Variants in NUP210 observed in about 807,000 individuals in gnomAD.
NUP210 encodes the protein nuclear pore membrane glycoprotein 210.
NUP210 carries 151 observed loss-of-function variants against 196.0 expected under a neutral mutation model. That is an observed-to-expected ratio of 0.77 (90% CI 0.67 to 0.88). The LOEUF is 0.88. NUP210 is among the 40% of genes least tolerant of loss of function. NUP210 has a pLI of 0.00. For synonymous variants in NUP210, 1,070 were observed against 1,052.7 expected (o/e 1.02, Z -0.32); for missense variants, 2,314 against 2,493.7 (o/e 0.93, Z 1.53).
chr3:13,396,816 AGAGTTCCAGCCT>A (rs1699672334), intron 3 of NUP210, among the ~76,000 whole-genome samples: 1 of 151,676 alleles, frequency 6.6e-6, no homozygotes, highest in African/African-American at 2.4e-5. Context: ...ATCACCTAGA[AGAGTTCCAGCCT>A]GGAAACAAGC....
In NUP210 at chr3:13,420,126, A is replaced by G; in HGVS notation, c.101T>C (p.Leu34Pro). ...GCGCGTGGCCCGCGTGAAGGGCAGC[A>G]GCACTTTGGGGATGTTGAGCTTGGC... ...AAAKLNIPKV[L>P]LPFTRATRVN... The change falls in exon 1 of 40, where the codon CTG (leucine) becomes CCG (proline). Residue 34 changes from leucine to proline, a missense_variant. Coordinates refer to ENST00000254508, the MANE Select transcript of NUP210 (RefSeq NM_024923.4). The surrounding 1 kb of genome is among the most constrained non-coding windows in gnomAD (Gnocchi z 4.8). 3 of 1,369,624 alleles carry G rather than the reference A, an allele frequency of 2.2e-6. No homozygotes were observed. Among genetic ancestry groups the G allele is most frequent in the South Asian group, 1.5e-5 (1 of 66,202 alleles). 84.8% of individuals were successfully genotyped at this position (1,369,624 alleles called of 1,614,324 possible).
At position 13,354,096 on chromosome 3, in the gene NUP210, G is replaced by C; in HGVS notation, c.2340C>G (p.Ser780=). ...LQQNKQVVPV[S]SHRNPRLDLA... ...GGTCCAGCCGGGGGTTGCGGTGGCT[G>C]GACACTGGGACCTGCAGGGAACACA... Residue 780 remains serine, a synonymous_variant, in exon 17 of 40, where the codon TCC becomes TCG. Coordinates refer to ENST00000254508, the MANE Select transcript of NUP210 (RefSeq NM_024923.4). 6.3e-7 allele frequency: 1 copy of C among 1,590,930 alleles called. No homozygotes were observed. Among genetic ancestry groups the C allele is most frequent in the Non-Finnish European group, 8.6e-7 (1 of 1,168,936 alleles).
rs886158898 is a variant in NUP210 at position 13,371,743 on chromosome 3, T to G, written c.1786+91A>C. 1.4e-5 allele frequency: 17 copies of G among 1,215,608 alleles called. No homozygotes were observed. In the Admixed American group the frequency reaches 1.7e-4, roughly 12 times the overall value. 75.3% of individuals were successfully genotyped at this position (1,215,608 alleles called of 1,614,324 possible). A position where few individuals can be genotyped will look rare whatever the true frequency, so the allele number is the denominator to read the frequency against. ...GCAGCCCCTCTGCTGCCTCAAGCCC[T>G]CTCTTTGGGAATCTGGCGGTCCATG... is the stretch of plus-strand genomic sequence containing the variant. On this transcript the variant is annotated intron_variant, in intron 13 of 39. Coordinates refer to ENST00000254508, the MANE Select transcript of NUP210 (RefSeq NM_024923.4).
At chr3:13,368,050 A>C (rs1190995581) in intron 13 of NUP210, among the ~76,000 whole-genome samples, 1 of 151,622 alleles carries the variant, frequency 6.6e-6, no homozygotes, top group African/African-American at 2.4e-5. Flanking sequence ...CGGCTGCCCT[A>C]CATCCCTGCC....
At chr3:13,390,095 A>C (rs1393955596) in intron 4 of NUP210, among the ~76,000 whole-genome samples, 1 of 152,084 alleles carries the variant, frequency 6.6e-6, no homozygotes, top group African/African-American at 2.4e-5. Context: ...GGGACAAATG[A>C]CCAAACTCGA....
At chr3:13,322,808 C>G (rs1040542608) in intron 34 of NUP210, among the ~76,000 whole-genome samples, 1 of 152,212 alleles carries the variant, frequency 6.6e-6, no homozygotes, top group African/African-American at 2.4e-5. Context: ...TTAATCAGGA[C>G]GAGAAGGGCG....
At chr3:13,337,166 G>A (rs1206347869) in intron 26 of NUP210, 8 of 401,572 alleles carry the variant, frequency 2.0e-5, no homozygotes, top group Admixed American at 7.2e-5. Context: ...ACTCATTTCC[G>A]GAAGGAGTCC....
intron 15 of NUP210, among the ~76,000 whole-genome samples, chr3:13,359,796 C>A (rs1443555664): frequency 1.3e-5 from 2 of 152,222 alleles, no homozygotes; most frequent in Non-Finnish European, 2.9e-5. Context: ...CTGGTCCCCT[C>A]AGCCTCCTCA....
At position 13,323,974 on chromosome 3, in the gene NUP210, C is replaced by T. The variant is rs532631032; in HGVS notation, c.4645-542G>A. Among the ~76,000 whole-genome samples the T allele has an allele frequency of 2.0e-5, 3 of 152,332 alleles. No individual in the cohort carries two copies. The South Asian group carries it at 6.2e-4, about 32-fold the overall frequency. On this transcript the variant is annotated intron_variant, in intron 33 of 39. Coordinates refer to ENST00000254508, the MANE Select transcript of NUP210 (RefSeq NM_024923.4). This position sits in a 1 kb window ranked among gnomAD's most constrained non-coding sequence, Gnocchi z 4.3. Reference sequence around the variant, plus strand: ...GCCACTTCCTGCAGCTGAAGGCCCCCCTCCCTCTCTCAGCAGGCACCAGCG... The same window carrying T: ...GCCACTTCCTGCAGCTGAAGGCCCCTCTCCCTCTCTCAGCAGGCACCAGCG...
chr3:13,401,259 C>CAAAAAAAATAAAAAA (rs1699828731), intron 1 of NUP210, among the ~76,000 whole-genome samples: 1 of 43,846 alleles, frequency 2.3e-5, no homozygotes, highest in Non-Finnish European at 4.0e-5. Flanking sequence ...GACTCTGGCT[C>CAAAAAAAATAAAAAA]AAAAAAAAAA....
At chr3:13,394,014 C>T (rs980030529) in intron 3 of NUP210, among the ~76,000 whole-genome samples, 2 of 152,222 alleles carry the variant, frequency 1.3e-5, no homozygotes, top group African/African-American at 4.8e-5. Context: ...GTTATGTCTT[C>T]CTAGTGCTGA....
chr3:13,348,651 G>A lies in NUP210; in HGVS notation c.2835+3228C>T, dbSNP rs1393273780. 7 of 985,234 alleles carry A rather than the reference G, an allele frequency of 7.1e-6. No homozygotes were observed. The highest frequency in any genetic ancestry group is 1.7e-5 in the African/African-American group (1 of 57,218). The allele number at this position is 985,234 out of a possible 1,614,324, so 61.0% of individuals were successfully genotyped here. ...GAGGGGATAAGAATGCTTAGGAGAC[G>A]CTGCTTGTGGTCTCAGGCTCCTCGC... On this transcript the variant is annotated intron_variant, in intron 20 of 39. Transcript: ENST00000254508. The surrounding 1 kb of genome is among the most constrained non-coding windows in gnomAD (Gnocchi z 4.0).
intron 3 of NUP210, among the ~76,000 whole-genome samples, chr3:13,391,510 G>C (rs1391889149): frequency 6.6e-6 from 1 of 151,544 alleles, no homozygotes; most frequent in African/African-American, 2.4e-5. Context: ...GACCACCAGG[G>C]GGCGAGGCCA....
intron 6 of NUP210, among the ~76,000 whole-genome samples, chr3:13,383,516 CT>C (rs3032854): frequency 3.6e-3 from 253 of 70,932 alleles, no homozygotes; most frequent in South Asian, 9.8e-3. Context: ...AGAGTGAGCT[CT>C]TTTTTTTTTT....
intron 18 of NUP210, 70 bp downstream of exon 18, chr3:13,353,484 G>T: frequency 7.9e-7 from 1 of 1,261,800 alleles, no homozygotes; most frequent in East Asian, 2.3e-5. Context: ...ATACCCGGTG[G>T]AATTTAAGCA....
intron 1 of NUP210, among the ~76,000 whole-genome samples, chr3:13,419,809 C>T (rs1440718902): frequency 6.6e-6 from 1 of 152,090 alleles, no homozygotes; most frequent in African/African-American, 2.4e-5. Flanking sequence ...ACCCAGAACA[C>T]GCGGGTCACG....
intron 1 of NUP210, among the ~76,000 whole-genome samples, chr3:13,416,420 T>C (rs1700351081): frequency 6.6e-6 from 1 of 152,098 alleles, no homozygotes; most frequent in African/African-American, 2.4e-5. Flanking sequence ...AACATCCCCT[T>C]CCCCAGGGGA....
At chr3:13,414,305 T>A (rs1700273509) in intron 1 of NUP210, among the ~76,000 whole-genome samples, 1 of 151,852 alleles carries the variant, frequency 6.6e-6, no homozygotes, top group South Asian at 2.1e-4. Context: ...TCAGGCAGAG[T>A]GGGGGACCCA....
In NUP210 at chr3:13,403,015, C is replaced by A. The variant is rs531974212; in HGVS notation, c.168-3154G>T. Reference sequence around the variant, plus strand: ...CCTGCCATGGCAGTATCCTTCGGAACAGCACCACTGCCCTAAAAGTCCCCT... The same window carrying A: ...CCTGCCATGGCAGTATCCTTCGGAAAAGCACCACTGCCCTAAAAGTCCCCT... On this transcript the variant is annotated intron_variant, in intron 1 of 39. Transcript: ENST00000254508. Among the ~76,000 whole-genome samples, 12 of 152,342 alleles carry A rather than the reference C, an allele frequency of 7.9e-5. 1 individual carries two copies. In the East Asian group the frequency reaches 2.3e-3, roughly 29 times the overall value.
Sources: allele counts gnomAD v4.1 joint callset (sites outside exome capture counted in the v4.1 genomes callset), GRCh38; gene constraint gnomAD v4.1.1; non-coding constraint Gnocchi (gnomAD v3.1); transcripts MANE v1.5; gene names NCBI Gene and HGNC (gene_info 2026-07-23, HGNC 2026-07-21).